Variants in LHFPL2 observed in about 807,000 individuals in gnomAD.
LHFPL2 encodes LHFPL tetraspan subfamily member 2 protein.
LHFPL2 carries 7 observed loss-of-function variants against 17.5 expected under a neutral mutation model. The observed-to-expected ratio is 0.40, with a 90% CI of 0.23 to 0.75. LHFPL2 has a LOEUF of 0.75. Ranked by LOEUF, LHFPL2 falls within the 30% of genes least tolerant of loss-of-function variation. The pLI is 0.37. For missense variants in LHFPL2, 241 were observed against 294.8 expected, an observed-to-expected ratio of 0.82 and a Z score of 1.34; for synonymous variants, 134 against 116.2, an observed-to-expected ratio of 1.15 and a Z score of -0.99.
intron 2 of LHFPL2, among the ~76,000 whole-genome samples, chr5:78,615,758 C>T (rs1356098765): frequency 6.6e-6 from 1 of 152,214 alleles, no homozygotes; most frequent in Non-Finnish European, 1.5e-5. Flanking sequence ...GGGAGCCACT[C>T]ATTTGGCTCC....
At chr5:78,520,961 C>T (rs141402771) in intron 3 of LHFPL2, among the ~76,000 whole-genome samples, 1,648 of 152,266 alleles carry the variant, frequency 0.011, 24 homozygotes, top group African/African-American at 0.015. Flanking sequence ...CTTGGAATCA[C>T]GAACAATTTG....
intron 2 of LHFPL2, among the ~76,000 whole-genome samples, chr5:78,621,094 C>G (rs1744837924): frequency 6.6e-6 from 1 of 151,974 alleles, no homozygotes; most frequent in Non-Finnish European, 1.5e-5. Flanking sequence ...TGACACCATC[C>G]TTTAACTGAA....
intron 2 of LHFPL2, among the ~76,000 whole-genome samples, chr5:78,612,911 A>G (rs1744467132): frequency 6.6e-6 from 1 of 152,198 alleles, no homozygotes; most frequent in African/African-American, 2.4e-5. Context: ...ATGGTCCCCT[A>G]ATAGTTTGAA....
intron 3 of LHFPL2, among the ~76,000 whole-genome samples, chr5:78,539,435 T>C (rs1347146424): frequency 6.6e-6 from 1 of 152,122 alleles, no homozygotes; most frequent in African/African-American, 2.4e-5. Context: ...AAGTCGGAGG[T>C]GGCACTTAGC....
intron 1 of LHFPL2, among the ~76,000 whole-genome samples, chr5:78,633,112 A>G (rs1484680613): frequency 1.3e-5 from 2 of 152,200 alleles, no homozygotes; most frequent in Non-Finnish European, 2.9e-5. Context: ...GATGGTTCAG[A>G]CAGCTTTCAG....
At chr5:78,606,019 A>C (rs927704311) in intron 2 of LHFPL2, among the ~76,000 whole-genome samples, 10 of 152,232 alleles carry the variant, frequency 6.6e-5, no homozygotes, top group African/African-American at 2.4e-4. Context: ...AAAATTAAAC[A>C]GGTGTCACCT....
intron 2 of LHFPL2, among the ~76,000 whole-genome samples, chr5:78,599,394 A>G (rs34824823): frequency 0.39 from 59,846 of 151,576 alleles, 12,136 homozygotes; most frequent in Middle Eastern, 0.49. Context: ...CTGCCTTCCA[A>G]GTTCAAGCAG....
chr5:78,526,270 T>C (rs747843344), intron 3 of LHFPL2, among the ~76,000 whole-genome samples: 1 of 152,252 alleles, frequency 6.6e-6, no homozygotes. Context: ...CAATCAGCAC[T>C]CAAATCTCCT....
chr5:78,567,717 G>T (rs115185319), intron 2 of LHFPL2, among the ~76,000 whole-genome samples: 2,465 of 152,184 alleles, frequency 0.016, 72 homozygotes, highest in African/African-American at 0.056. Flanking sequence ...AAAGTTACAT[G>T]GCTTGCAAGA....
At chr5:78,613,434 CATT>C (rs1446005295) in intron 2 of LHFPL2, among the ~76,000 whole-genome samples, 1 of 152,160 alleles carries the variant, frequency 6.6e-6, no homozygotes, top group African/African-American at 2.4e-5. Flanking sequence ...TAGTAGAGTG[CATT>C]ATTAACACAA....
rs1754320538 is a variant in LHFPL2, at chr5:78,488,373, A to C, written c.*524T>G. The C allele has an allele frequency of 6.0e-6, 1 of 166,684 alleles. No homozygotes were observed. Among genetic ancestry groups the C allele is most frequent in the Admixed American group, 5.5e-5 (1 of 18,188 alleles). The allele number at this position is 166,684 out of a possible 1,614,324, so 10.3% of individuals were successfully genotyped here. On this transcript the variant is annotated 3_prime_UTR_variant, in exon 5 of 5. Coordinates refer to ENST00000380345, the MANE Select transcript of LHFPL2 (RefSeq NM_005779.3). ...TGCTGACCCCTTTGGTCAGCTAAGC[A>C]AAAGACAGTGTCTTGCTGTGCCCTT...
At chr5:78,558,318 T>A (rs1393178277) in intron 3 of LHFPL2, among the ~76,000 whole-genome samples, 1 of 152,240 alleles carries the variant, frequency 6.6e-6, no homozygotes, top group Non-Finnish European at 1.5e-5. Context: ...CTGAGTTCAA[T>A]TAAACCACCT....
intron 2 of LHFPL2, among the ~76,000 whole-genome samples, chr5:78,596,967 AT>A (rs2112467817): frequency 1.3e-5 from 2 of 152,354 alleles, no homozygotes; most frequent in South Asian, 4.1e-4. Flanking sequence ...ATAAAAAGAA[AT>A]TCAATTACTA....
At chr5:78,643,547 TTA>T (rs1462394572) in intron 1 of LHFPL2, among the ~76,000 whole-genome samples, 1 of 152,224 alleles carries the variant, frequency 6.6e-6, no homozygotes, top group African/African-American at 2.4e-5. Context: ...GAAGCATTCA[TTA>T]TGTCAACAAA....
At chr5:78,609,178 T>C (rs1045775635) in intron 2 of LHFPL2, among the ~76,000 whole-genome samples, 5 of 151,922 alleles carry the variant, frequency 3.3e-5, no homozygotes, top group East Asian at 1.9e-4. Flanking sequence ...CTATAAGAGA[T>C]TGTGGCCAGG....
intron 2 of LHFPL2, among the ~76,000 whole-genome samples, chr5:78,581,363 T>C (rs1221425239): frequency 6.6e-6 from 1 of 152,198 alleles, no homozygotes; most frequent in Non-Finnish European, 1.5e-5. Context: ...CATCCCTGTC[T>C]TGTGCCAGTT....
At chr5:78,595,718 G>A (rs1004437553) in intron 2 of LHFPL2, among the ~76,000 whole-genome samples, 2 of 152,070 alleles carry the variant, frequency 1.3e-5, no homozygotes, top group East Asian at 1.9e-4. Flanking sequence ...GTCTCACTAT[G>A]TTGACCAGGC....
intron 3 of LHFPL2, among the ~76,000 whole-genome samples, chr5:78,547,037 G>A (rs1234995654): frequency 6.6e-6 from 1 of 152,012 alleles, no homozygotes; most frequent in Non-Finnish European, 1.5e-5. Flanking sequence ...AAAGTAGGGG[G>A]TTGAGGAGGG....
chr5:78,518,841 C>T (rs1005885381), intron 3 of LHFPL2, among the ~76,000 whole-genome samples: 2 of 152,184 alleles, frequency 1.3e-5, no homozygotes, highest in Admixed American at 1.3e-4. Flanking sequence ...ATTATTGTAG[C>T]TTCTAACAAT....
Sources: allele counts gnomAD v4.1 joint callset (sites outside exome capture counted in the v4.1 genomes callset), GRCh38; gene constraint gnomAD v4.1.1; transcripts MANE v1.5; gene names NCBI Gene and HGNC (gene_info 2026-07-23, HGNC 2026-07-21).